TIPIN: variants seen among roughly 807,000 people sequenced by gnomAD.
TIPIN encodes TIMELESS interacting protein.
TIPIN carries 29 observed loss-of-function variants against 35.6 expected under a neutral mutation model. That is an observed-to-expected ratio of 0.82 (90% CI 0.61 to 1.11). The LOEUF (loss-of-function observed/expected upper bound fraction) is 1.11. Ranked by LOEUF, TIPIN falls within the 50% of genes most tolerant of loss-of-function variation. The pLI, the probability that TIPIN is intolerant of heterozygous loss-of-function variation, is 0.00. For synonymous variants in TIPIN, 102 were observed against 121.5 expected, an observed-to-expected ratio of 0.84 and a Z score of 1.06; for missense variants, 296 against 345.4, an observed-to-expected ratio of 0.86 and a Z score of 1.13.
At position 66,352,951 on chromosome 15, in the gene TIPIN, T is replaced by C. The variant is rs753142582; in HGVS notation, c.-4A>G. 6.2e-7 allele frequency: 1 copy of C among 1,611,668 alleles called. No individual in the cohort carries two copies. Among genetic ancestry groups the C allele is most frequent in the East Asian group, 2.2e-5 (1 of 44,872 alleles). ...CATTCTCCTGTGGTTCTAGCATCTT[T>C]TCCTCTAGGGGAAAAAATTAAAGTT... On this transcript the variant is annotated 5_prime_UTR_variant, in exon 2 of 8. Transcript: ENST00000261881.
intron 1 of TIPIN, among the ~76,000 whole-genome samples, chr15:66,369,790 T>C (rs1356151361): frequency 1.3e-5 from 2 of 152,210 alleles, no homozygotes; most frequent in Non-Finnish European, 2.9e-5. Context: ...AAAACACCGA[T>C]AAACTTTATA....
At chr15:66,340,052 T>G (rs1367365348) in intron 7 of TIPIN, among the ~76,000 whole-genome samples, 7 of 151,878 alleles carry the variant, frequency 4.6e-5, no homozygotes, top group African/African-American at 1.7e-4. Context: ...TTTTGTATTT[T>G]TAGTAGAGAC....
At chr15:66,355,467 CG>C (rs2093197594) in intron 1 of TIPIN, among the ~76,000 whole-genome samples, 1 of 150,186 alleles carries the variant, frequency 6.7e-6, no homozygotes, top group African/African-American at 2.4e-5. Context: ...AGCAAAGCAT[CG>C]GCTGGGCGCG....
intron 1 of TIPIN, among the ~76,000 whole-genome samples, chr15:66,377,015 G>A (rs1371241088): frequency 1.3e-5 from 2 of 150,278 alleles, no homozygotes; most frequent in Non-Finnish European, 3.0e-5. Flanking sequence ...GGCTGAGGCA[G>A]GAGAATCGCT....
chr15:66,362,178 C>A (rs1254939222), intron 1 of TIPIN, among the ~76,000 whole-genome samples: 2 of 151,486 alleles, frequency 1.3e-5, no homozygotes, highest in African/African-American at 4.9e-5. Flanking sequence ...TGGCACATGC[C>A]TGTAATTCCA....
At chr15:66,368,795 T>G (rs1278872830) in intron 1 of TIPIN, among the ~76,000 whole-genome samples, 1 of 152,188 alleles carries the variant, frequency 6.6e-6, no homozygotes, top group Non-Finnish European at 1.5e-5. Flanking sequence ...TAATTAGAGA[T>G]ATTTGAAAAT....
chr15:66,351,322 A>T (rs1255623522), intron 4 of TIPIN, among the ~76,000 whole-genome samples: 2 of 152,232 alleles, frequency 1.3e-5, no homozygotes, highest in African/African-American at 4.8e-5. Flanking sequence ...CCAAGGTTTA[A>T]GCAGCAAAAA....
Position 66,352,817 on chromosome 15 carries a change from T to G in TIPIN, c.131A>C (p.Glu44Ala), listed in dbSNP as rs770163296. Residue 44 changes from glutamate (E) to alanine (A), a missense_variant and splice_region_variant, in exon 2 of 8, where the codon GAA (glutamate) becomes GCA (alanine). Transcript: ENST00000261881. ...TTTTTAAAACTCTCTATACATACCTTCATCAGGCTCAGTTCCTTCACCATC... is the reference window on the plus strand; with the variant it reads ...TTTTTAAAACTCTCTATACATACCTGCATCAGGCTCAGTTCCTTCACCATC... Reference protein sequence around the residue: ...RQDGEGTEPDEESGNGAPVRV... With the variant: ...RQDGEGTEPDAESGNGAPVRV... The G allele has an allele frequency of 2.4e-5, 39 of 1,611,612 alleles. No homozygotes were observed. Among genetic ancestry groups the G allele is most frequent in the South Asian group, 1.9e-4 (17 of 90,894 alleles).
chr15:66,383,987 T>A (rs888485338), intron 1 of TIPIN, among the ~76,000 whole-genome samples: 1 of 152,094 alleles, frequency 6.6e-6, no homozygotes, highest in Non-Finnish European at 1.5e-5. Flanking sequence ...AATTTATTTT[T>A]ATTTATTTAA....
rs149608787 is a variant in TIPIN at position 66,351,838 on chromosome 15, A to G, written c.213-238T>C. ...GTATTTTTAGTAGAGACGGGGTTTCACCGTATTAGCCAGGATGGTCTCAAT... is the reference window on the plus strand; with the variant it reads ...GTATTTTTAGTAGAGACGGGGTTTCGCCGTATTAGCCAGGATGGTCTCAAT... On this transcript the variant is annotated intron_variant, in intron 3 of 7. Transcript: ENST00000261881. Among the ~76,000 whole-genome samples the G allele has an allele frequency of 3.3e-3, 502 of 151,966 alleles. 3 individuals carry two copies. The highest frequency in any genetic ancestry group is 0.011 in the African/African-American group (475 of 41,472).
At chr15:66,347,831 A>AAAGTGCTGGGATTATAGG (rs1398723048) in intron 6 of TIPIN, among the ~76,000 whole-genome samples, 1 of 151,808 alleles carries the variant, frequency 6.6e-6, no homozygotes, top group African/African-American at 2.4e-5. Context: ...TGAACTGCCC[A>AAAGTGCTGGGATTATAGG]CCTCAGCCTC....
chr15:66,371,527 T>C (rs2093277662), intron 1 of TIPIN: 1 of 403,896 alleles, frequency 2.5e-6, no homozygotes, highest in African/African-American at 2.2e-5. Flanking sequence ...TCTTTTTTTT[T>C]TTTGGAGATG....
At chr15:66,352,523 C>G (rs1037864748) in intron 2 of TIPIN, among the ~76,000 whole-genome samples, 3 of 152,116 alleles carry the variant, frequency 2.0e-5, no homozygotes, top group African/African-American at 4.8e-5. Flanking sequence ...CTCCTGGGCT[C>G]AAGCCATCCT....
intron 3 of TIPIN, 41 bp from the exon 4 acceptor site, chr15:66,351,641 C>CTTTTTTTT: frequency 9.2e-7 from 1 of 1,092,066 alleles, no homozygotes. Flanking sequence ...GTTTTATTTT[C>CTTTTTTTT]TTTTTTTTTT....
rs1291887799 is a variant in TIPIN at position 66,366,170 on chromosome 15, G to T, written c.-8-13215C>A. On this transcript the variant is annotated intron_variant, in intron 1 of 7. Coordinates refer to the TIPIN transcript ENST00000562124. ...GTCCCTCCCAAAAAAAAAAACTGGG[G>T]GTTGGCCGGGCGCAGTGGCTCACAC... Among the ~76,000 whole-genome samples the T allele has an allele frequency of 1.3e-5, 2 of 151,702 alleles. 1 individual carries two copies. Among genetic ancestry groups the T allele is most frequent in the Admixed American group, 1.3e-4 (2 of 15,186 alleles).
At chr15:66,343,120 C>T (rs2093099871) in intron 6 of TIPIN, among the ~76,000 whole-genome samples, 1 of 152,130 alleles carries the variant, frequency 6.6e-6, no homozygotes, top group Admixed American at 6.6e-5. Flanking sequence ...GTCAAATAAA[C>T]TGATGGATTT....
intron 1 of TIPIN, among the ~76,000 whole-genome samples, chr15:66,382,506 C>T (rs888938848): frequency 6.6e-6 from 1 of 152,192 alleles, no homozygotes; most frequent in African/African-American, 2.4e-5. Context: ...TCCAGAGTAG[C>T]TGGGACTGCA....
At chr15:66,365,200 T>A (rs968901963) in intron 1 of TIPIN, among the ~76,000 whole-genome samples, 1 of 152,024 alleles carries the variant, frequency 6.6e-6, no homozygotes, top group Non-Finnish European at 1.5e-5. Context: ...CAGGATATGG[T>A]AACAAAAGCC....
chr15:66,356,733 C>A (rs1017649134), upstream of TIPIN: 11 of 985,290 alleles, frequency 1.1e-5, no homozygotes, highest in African/African-American at 1.6e-4. Flanking sequence ...GAGAAGGGCC[C>A]GCAGCGTTTG....
Sources: allele counts gnomAD v4.1 joint callset (sites outside exome capture counted in the v4.1 genomes callset), GRCh38; gene constraint gnomAD v4.1.1; transcripts MANE v1.5; gene names NCBI Gene and HGNC (gene_info 2026-07-23, HGNC 2026-07-21).